The following POU6F2 variants were observed in gnomAD, a reference collection of about 807,000 sequenced individuals.
POU6F2 encodes the protein POU domain, class 6, transcription factor 2.
A neutral mutation model predicts 71.3 loss-of-function variants in POU6F2; 31 were observed. The ratio of observed to expected loss-of-function variants is 0.43; its 90% CI spans 0.33 to 0.59. The LOEUF is 0.59. POU6F2 is among the 20% of genes least tolerant of loss of function. The pLI, the probability that POU6F2 is intolerant of heterozygous loss-of-function variation, is 0.04. For missense variants in POU6F2, 783 were observed against 856.8 expected, an observed-to-expected ratio of 0.91 and a Z score of 1.07; for synonymous variants, 347 against 355.7, an observed-to-expected ratio of 0.98 and a Z score of 0.27.
intron 4 of POU6F2, among the ~76,000 whole-genome samples, chr7:39,277,399 C>G (rs1004343587): frequency 2.6e-5 from 4 of 152,078 alleles, no homozygotes; most frequent in Non-Finnish European, 5.9e-5. Flanking sequence ...CCCTTGCCCC[C>G]CTCCCTCTCT....
At chr7:39,385,896 C>T (rs1478826326) in intron 5 of POU6F2, among the ~76,000 whole-genome samples, 2 of 152,052 alleles carry the variant, frequency 1.3e-5, no homozygotes, top group African/African-American at 4.8e-5. Context: ...GGGCAGATCA[C>T]AAGGTCAGGA....
chr7:39,413,345 C>T (rs1405347974), intron 6 of POU6F2, among the ~76,000 whole-genome samples: 2 of 151,830 alleles, frequency 1.3e-5, no homozygotes, highest in African/African-American at 2.4e-5. Flanking sequence ...AAGCAAGATA[C>T]GAAATAATAT....
intron 1 of POU6F2, among the ~76,000 whole-genome samples, chr7:39,067,951 T>G (rs146174033): frequency 2.4e-4 from 36 of 152,272 alleles, no homozygotes; most frequent in African/African-American, 7.0e-4. Context: ...AGAACATAAA[T>G]TTTCCACCAC....
intron 1 of POU6F2, among the ~76,000 whole-genome samples, chr7:38,980,640 T>C (rs1183414835): frequency 1.3e-5 from 2 of 152,200 alleles, no homozygotes; most frequent in Non-Finnish European, 2.9e-5. Context: ...AACAAGCCCA[T>C]TTAATAATGC....
intron 1 of POU6F2, among the ~76,000 whole-genome samples, chr7:39,082,098 T>C (rs2128720111): frequency 6.6e-6 from 1 of 152,362 alleles, no homozygotes; most frequent in East Asian, 1.9e-4. Flanking sequence ...TATTCCTTCA[T>C]AATGCTTGAA....
At position 39,033,950 on chromosome 7, in the gene POU6F2, A is replaced by G. The variant is rs1349061272; in HGVS notation, c.106-51910A>G. On this transcript the variant is annotated intron_variant, in intron 1 of 9. Coordinates refer to ENST00000518318, the MANE Select transcript of POU6F2 (RefSeq NM_001370959.1). Reference sequence around the variant, plus strand: ...CTGTAATGTTATGAACAGTAAGGTAAGATAAAAGTTGCTGAAAATCGTGCT... The same window carrying G: ...CTGTAATGTTATGAACAGTAAGGTAGGATAAAAGTTGCTGAAAATCGTGCT... Among the ~76,000 whole-genome samples the G allele has an allele frequency of 4.6e-5, 7 of 152,166 alleles. No homozygotes were observed. The East Asian group carries it at 1.3e-3, about 29-fold the overall frequency.
At chr7:39,276,480 G>T (rs1784441899) in intron 4 of POU6F2, among the ~76,000 whole-genome samples, 1 of 151,604 alleles carries the variant, frequency 6.6e-6, no homozygotes, top group South Asian at 2.1e-4. Flanking sequence ...CAACCATTGT[G>T]GAAGTCAGTG....
chr7:38,998,886 G>T (rs1229017), intron 1 of POU6F2, among the ~76,000 whole-genome samples: 1 of 147,198 alleles, frequency 6.8e-6, no homozygotes, highest in Non-Finnish European at 1.5e-5. Flanking sequence ...GGATGGTCTC[G>T]ATCTCCTAAC....
At chr7:39,027,492 A>T (rs1034114637) in intron 1 of POU6F2, among the ~76,000 whole-genome samples, 3 of 152,208 alleles carry the variant, frequency 2.0e-5, no homozygotes, top group African/African-American at 7.2e-5. Context: ...AGGGATCTCC[A>T]TGGAAAGGGA....
intron 2 of POU6F2, among the ~76,000 whole-genome samples, chr7:39,202,289 A>G (rs1365350086): frequency 6.6e-6 from 1 of 152,212 alleles, no homozygotes; most frequent in African/African-American, 2.4e-5. Flanking sequence ...TGCATGAAAG[A>G]AAAAAGAGAC....
chr7:39,399,975 A>G (rs1787262349), intron 5 of POU6F2, among the ~76,000 whole-genome samples: 1 of 152,206 alleles, frequency 6.6e-6, no homozygotes, highest in African/African-American at 2.4e-5. Flanking sequence ...GCCCATGGAT[A>G]CATTCACCAA....
At chr7:39,393,877 G>T (rs771682890) in intron 5 of POU6F2, among the ~76,000 whole-genome samples, 11 of 152,144 alleles carry the variant, frequency 7.2e-5, no homozygotes, top group Non-Finnish European at 1.5e-4. Flanking sequence ...TAACCAATGT[G>T]GTTATTGGGA....
chr7:39,093,169 A>G (rs1213814038), intron 2 of POU6F2, among the ~76,000 whole-genome samples: 1 of 152,092 alleles, frequency 6.6e-6, no homozygotes, highest in Non-Finnish European at 1.5e-5. Context: ...ACCTGGAACA[A>G]TATAACTAAT....
intron 1 of POU6F2, among the ~76,000 whole-genome samples, chr7:38,982,640 A>C (rs573554765): frequency 6.6e-6 from 1 of 152,246 alleles, no homozygotes; most frequent in African/African-American, 2.4e-5. Flanking sequence ...AGTAAAATTT[A>C]ACAATATAGT....
chr7:38,996,859 C>CTT (rs1240763716), intron 1 of POU6F2, among the ~76,000 whole-genome samples: 1 of 152,138 alleles, frequency 6.6e-6, no homozygotes, highest in Non-Finnish European at 1.5e-5. Flanking sequence ...CCTCAGTCAC[C>CTT]TTGACTCCCC....
intron 1 of POU6F2, among the ~76,000 whole-genome samples, chr7:39,041,857 A>T (rs958493564): frequency 6.6e-6 from 1 of 151,848 alleles, no homozygotes; most frequent in Admixed American, 6.6e-5. Flanking sequence ...TTCCATTCCC[A>T]CCCAAAGACC....
chr7:39,182,468 G>C (rs1793453115), intron 2 of POU6F2, among the ~76,000 whole-genome samples: 1 of 151,700 alleles, frequency 6.6e-6, no homozygotes, highest in Admixed American at 6.6e-5. Flanking sequence ...CCCATGCTAG[G>C]GCTTATTCAT....
Position 39,384,072 on chromosome 7 carries a change from A to G in POU6F2, c.973-22528A>G, listed in dbSNP as rs114473543. On this transcript the variant is annotated intron_variant, in intron 5 of 9. Transcript: ENST00000518318. The stretch of plus-strand genomic sequence containing the variant: ...ATTGAAATGTAAGGAACTCAAAGAT[A>G]TTTGATCCTGAAGCTGATTCAATAA... Among the ~76,000 whole-genome samples, 1,465 of 152,354 alleles carry G rather than the reference A, an allele frequency of 9.6e-3. 30 individuals carry two copies. Among genetic ancestry groups the G allele is most frequent in the African/African-American group, 0.034 (1,408 of 41,590 alleles).
intron 1 of POU6F2, among the ~76,000 whole-genome samples, chr7:39,079,667 A>G (rs1791075041): frequency 6.6e-6 from 1 of 152,140 alleles, no homozygotes; most frequent in African/African-American, 2.4e-5. Context: ...CTTGATTTTC[A>G]CAGAAATCTT....
Sources: allele counts gnomAD v4.1 joint callset (sites outside exome capture counted in the v4.1 genomes callset), GRCh38; gene constraint gnomAD v4.1.1; transcripts MANE v1.5; gene names NCBI Gene and HGNC (gene_info 2026-07-23, HGNC 2026-07-21).